NRG1: variants seen among roughly 807,000 people sequenced by gnomAD.
NRG1 encodes the protein neuregulin 1, also known as pro-neuregulin-1, membrane-bound isoform.
In NRG1, 18 loss-of-function variants were observed where a neutral mutation model predicts 63.8. The ratio of observed to expected loss-of-function variants is 0.28; its 90% CI spans 0.19 to 0.42. NRG1 has a LOEUF of 0.42. NRG1 is among the 10% of genes least tolerant of loss of function. The pLI is 1.00. For synonymous variants in NRG1, 302 were observed against 301.3 expected (o/e 1.00, Z -0.02); for missense variants, 762 against 814.7 (o/e 0.94, Z 0.79).
chr8:32,368,406 A>AT (rs558858566), intron 1 of NRG1, among the ~76,000 whole-genome samples: 200 of 149,092 alleles, frequency 1.3e-3, no homozygotes, highest in African/African-American at 4.2e-3. Flanking sequence ...CTGTCTCTAA[A>AT]TTTTTTTTTT....
At chr8:32,053,442 G>A (rs1010165129) in intron 1 of NRG1, among the ~76,000 whole-genome samples, 4 of 152,154 alleles carry the variant, frequency 2.6e-5, no homozygotes, top group Non-Finnish European at 5.9e-5. Flanking sequence ...TATGCTCTGG[G>A]ACACTCTTCT....
At chr8:32,756,339 A>G (rs1422265472) in intron 8 of NRG1, 64 bp from the exon 9 acceptor site, 1 of 1,568,558 alleles carries the variant, frequency 6.4e-7, no homozygotes, top group Non-Finnish European at 8.6e-7. Context: ...TAGAATAAAG[A>G]CTTGGCTCTA....
rs567775405 is a variant in NRG1 at position 31,922,607 on chromosome 8, A to C, written c.37+283176A>C. On this transcript the variant is annotated intron_variant, in intron 1 of 10. Transcript: ENST00000519301. ...GGTTGAGCCTTTGACCTATCTGTGGAAGTGGTAAGCTGGAACAACAAAGAG... is the reference window on the plus strand; with the variant it reads ...GGTTGAGCCTTTGACCTATCTGTGGCAGTGGTAAGCTGGAACAACAAAGAG... Among the ~76,000 whole-genome samples the C allele has an allele frequency of 1.6e-4, 24 of 152,298 alleles. 1 individual carries two copies. The South Asian group carries it at 4.8e-3, about 30-fold the overall frequency.
chr8:31,739,214 G>C lies in NRG1; in HGVS notation c.37+99783G>C, dbSNP rs78716010. ...CAGGTCTGATAAAGCGTTAGAATTTGTCATGGCTGGTCTTCACGCGGCAAA... is the reference window on the plus strand; with the variant it reads ...CAGGTCTGATAAAGCGTTAGAATTTCTCATGGCTGGTCTTCACGCGGCAAA... On this transcript the variant is annotated intron_variant, in intron 1 of 10. Coordinates refer to the NRG1 transcript ENST00000519301. Among the ~76,000 whole-genome samples the C allele has an allele frequency of 2.6e-3, 399 of 152,200 alleles. 4 individuals are homozygous for C. The highest frequency in any genetic ancestry group is 9.2e-3 in the African/African-American group (382 of 41,546).
chr8:32,768,786 G>A (rs55878820), downstream of NRG1, among the ~76,000 whole-genome samples: 7,313 of 152,202 alleles, frequency 0.048, 594 homozygotes, highest in African/African-American at 0.17. Context: ...GTAAAGGTCA[G>A]CAATCCTTTG....
intron 1 of NRG1, among the ~76,000 whole-genome samples, chr8:32,027,805 G>C (rs1817695445): frequency 6.6e-6 from 1 of 152,136 alleles, no homozygotes; most frequent in East Asian, 1.9e-4. Flanking sequence ...CCAATCCCCT[G>C]GGAAATACTA....
At chr8:31,857,360 G>T (rs1426698096) in intron 1 of NRG1, among the ~76,000 whole-genome samples, 1 of 152,238 alleles carries the variant, frequency 6.6e-6, no homozygotes, top group African/African-American at 2.4e-5. Flanking sequence ...ATTCAGGTGG[G>T]AGTGACCCGA....
At chr8:32,394,534 G>A (rs1448144519) in intron 1 of NRG1, among the ~76,000 whole-genome samples, 2 of 152,160 alleles carry the variant, frequency 1.3e-5, no homozygotes, top group African/African-American at 2.4e-5. Context: ...TGGGGCTGGT[G>A]GAAATTCTCC....
chr8:32,271,995 G>A (rs1851600607), intron 1 of NRG1, among the ~76,000 whole-genome samples: 1 of 152,170 alleles, frequency 6.6e-6, no homozygotes, highest in Admixed American at 6.5e-5. Flanking sequence ...CTACCTTGGT[G>A]AGTAAACACC....
At chr8:32,242,672 T>C (rs776284012) in intron 1 of NRG1, among the ~76,000 whole-genome samples, 32 of 152,174 alleles carry the variant, frequency 2.1e-4, no homozygotes, top group Non-Finnish European at 4.1e-4. Flanking sequence ...TTTCAGCAGA[T>C]GTCCTCTGAA....
intron 1 of NRG1, among the ~76,000 whole-genome samples, chr8:31,935,997 G>C (rs1057122501): frequency 6.6e-6 from 1 of 152,088 alleles, no homozygotes; most frequent in Non-Finnish European, 1.5e-5. Flanking sequence ...GAGTAAGTGA[G>C]CAGGAAACAC....
At chr8:32,527,846 T>A (rs1358512655) in intron 1 of NRG1, among the ~76,000 whole-genome samples, 1 of 152,162 alleles carries the variant, frequency 6.6e-6, no homozygotes, top group Non-Finnish European at 1.5e-5. Context: ...TCTTCTTTTT[T>A]TCACACCCCA....
intron 5 of NRG1, chr8:32,647,162 ATTCAGCCCCT>A (rs1216481518): frequency 4.1e-6 from 4 of 985,132 alleles, no homozygotes; most frequent in African/African-American, 1.7e-5. Context: ...CTCTGTAATG[ATTCAGCCCCT>A]TTCAGCCGTC....
intron 1 of NRG1, among the ~76,000 whole-genome samples, chr8:32,160,338 A>G (rs749243521): frequency 2.6e-5 from 4 of 152,260 alleles, no homozygotes; most frequent in Non-Finnish European, 5.9e-5. Context: ...CTGTGTGACT[A>G]GGAACTGAAC....
intron 1 of NRG1, chr8:32,061,773 GA>G (rs1391864613): frequency 1.3e-5 from 2 of 152,012 alleles, no homozygotes; most frequent in African/African-American, 4.8e-5. Flanking sequence ...CTGTTGGCCA[GA>G]CGAGCTTTTA....
chr8:32,748,736 T>C (rs1464130700), intron 7 of NRG1: 1 of 454,540 alleles, frequency 2.2e-6, no homozygotes, highest in Non-Finnish European at 4.4e-6. Context: ...AGTAATAAGA[T>C]GAAAAACCCT....
intron 9 of NRG1, among the ~76,000 whole-genome samples, chr8:32,758,662 G>T (rs543970894): frequency 5.4e-5 from 8 of 147,974 alleles, no homozygotes; most frequent in African/African-American, 1.5e-4. Context: ...GCATTAAATA[G>T]AAATGTCCTC....
chr8:31,772,523 CT>C (rs35162170), intron 1 of NRG1, among the ~76,000 whole-genome samples: 27 of 151,632 alleles, frequency 1.8e-4, no homozygotes, highest in East Asian at 1.5e-3. Flanking sequence ...CTTCTAGCAA[CT>C]TTTTTTTTAA....
chr8:31,845,611 T>C (rs1248127430), intron 1 of NRG1, among the ~76,000 whole-genome samples: 1 of 152,204 alleles, frequency 6.6e-6, no homozygotes, highest in Non-Finnish European at 1.5e-5. Flanking sequence ...CTGGCGTTTT[T>C]TTTTACATAA....
Sources: gnomAD v4.1 joint callset for allele counts (sites outside exome capture counted in the v4.1 genomes callset) on GRCh38, gnomAD v4.1.1 for gene constraint, MANE v1.5 for transcripts, NCBI Gene and HGNC (gene_info 2026-07-23, HGNC 2026-07-21) for gene names.